The following CNKSR2 variants were observed in gnomAD, a reference collection of about 807,000 sequenced individuals.
CNKSR2 encodes connector enhancer of kinase suppressor of Ras 2, also known as CNK homolog protein 2.
A neutral mutation model predicts 84.4 loss-of-function variants in CNKSR2; 14 were observed. The observed-to-expected ratio is 0.17, with a 90% CI of 0.11 to 0.26. CNKSR2 has a LOEUF of 0.26. Among genes scored for constraint, CNKSR2 ranks in the 10% least tolerant of loss-of-function variants. The pLI, the probability that CNKSR2 is intolerant of heterozygous loss-of-function variation, is 1.00. For missense variants in CNKSR2, 485 were observed against 771.2 expected, an observed-to-expected ratio of 0.63 and a Z score of 4.40; for synonymous variants, 275 against 277.9, an observed-to-expected ratio of 0.99 and a Z score of 0.10.
At chrX:21,445,855 A>T (rs2090847754) in intron 4 of CNKSR2, among the ~76,000 whole-genome samples, 1 of 111,763 alleles carries the variant, frequency 8.9e-6, no homozygotes, top group Non-Finnish European at 1.9e-5. Context: ...CTGTTGATTA[A>T]CATTTAGGTG....
Position 21,432,731 on chromosome X carries a change from C to T in CNKSR2, c.348C>T (p.Thr116=). The T allele has an allele frequency of 8.3e-7, 1 of 1,210,376 alleles. No individual in the cohort carries two copies. The highest frequency in any genetic ancestry group is 1.1e-6 in the Non-Finnish European group (1 of 894,947). ...RRRSGHYDGR[T]SRKLPNDFLT... ...GGAGTGGCCATTATGATGGGAGGAC[C>T]AGCCGAAAATTGCCAAACGACTTTC... Residue 116 remains threonine, a synonymous_variant, in exon 3 of 22, where the codon ACC becomes ACT. Transcript: ENST00000379510.
At chrX:21,475,531 A>C (rs1377845234) in intron 5 of CNKSR2, among the ~76,000 whole-genome samples, 1 of 111,169 alleles carries the variant, frequency 9.0e-6, no homozygotes, top group Non-Finnish European at 1.9e-5. Context: ...AGTACACTGG[A>C]CTGTGAGTTA....
chrX:21,471,930 G>A lies in CNKSR2; in HGVS notation c.561+1123G>A, dbSNP rs202032098. On this transcript the variant is annotated intron_variant, in intron 5 of 21. Coordinates refer to ENST00000379510, the MANE Select transcript of CNKSR2 (RefSeq NM_014927.5). ...TAGGGCCTATATATTTCAAGTATTA[G>A]CTTAATTTCTTATAAGCATATTCTC... Among the ~76,000 whole-genome samples the A allele has an allele frequency of 1.1e-4, 12 of 112,025 alleles. No homozygotes were observed. In the East Asian group the frequency reaches 3.3e-3, roughly 31 times the overall value.
intron 20 of CNKSR2, chrX:21,642,351 G>A: frequency 6.6e-6 from 5 of 752,315 alleles, no homozygotes; most frequent in Non-Finnish European, 7.8e-6. Context: ...GCCTCTTAGG[G>A]CAGGCATGAG....
Position 21,609,076 on chromosome X carries a change from T to A in CNKSR2, c.2151T>A (p.Ser717Arg). 8.3e-7 allele frequency: 1 copy of A among 1,201,676 alleles called. No homozygotes were observed. The highest frequency in any genetic ancestry group is 1.1e-6 in the Non-Finnish European group (1 of 890,353). The part of the protein sequence containing the change: ...YDTYPRPPSM[S>R]CASPYVEAKH... Reference sequence around the variant, plus strand: ...TCAGGGGCTCCTTTCTACAGATGAGTTGCGCCAGTCCTTATGTGGAAGCAA... The same window carrying A: ...TCAGGGGCTCCTTTCTACAGATGAGATGCGCCAGTCCTTATGTGGAAGCAA... Residue 717 changes from serine to arginine, a missense_variant, in exon 20 of 22, where the codon AGT becomes AGA. This residue lies in a region of CNKSR2 where 210 missense variants were observed against 291.5 expected (regional missense o/e 0.72). Coordinates refer to ENST00000379510, the MANE Select transcript of CNKSR2 (RefSeq NM_014927.5).
chrX:21,529,177 A>G (rs1169409625), intron 10 of CNKSR2, among the ~76,000 whole-genome samples: 1 of 111,257 alleles, frequency 9.0e-6, no homozygotes, highest in Non-Finnish European at 1.9e-5. Context: ...TGATAGGACT[A>G]GTTTTCAAAT....
At chrX:21,636,665 TC>T (rs1424688485) in intron 20 of CNKSR2, among the ~76,000 whole-genome samples, 1 of 110,842 alleles carries the variant, frequency 9.0e-6, no homozygotes, top group Non-Finnish European at 1.9e-5. Context: ...GAGTCAAATA[TC>T]AAGTCAAATA....
At chrX:21,446,116 ATACTT>A (rs1034810661) in intron 4 of CNKSR2, among the ~76,000 whole-genome samples, 1 of 111,742 alleles carries the variant, frequency 8.9e-6, no homozygotes, top group Admixed American at 9.5e-5. Context: ...CAGTTCAATT[ATACTT>A]TATCCTTTAA....
intron 11 of CNKSR2, among the ~76,000 whole-genome samples, chrX:21,551,828 A>C (rs769390967): frequency 7.8e-4 from 88 of 112,120 alleles, no homozygotes; most frequent in Non-Finnish European, 1.5e-3. Flanking sequence ...AGCAGATACT[A>C]GAAAATCAAA....
In CNKSR2 at chrX:21,653,517, CA is replaced by C. The variant is rs2092725469; in HGVS notation, c.*998del. On this transcript the variant is annotated 3_prime_UTR_variant, in exon 22 of 22. Transcript: ENST00000379510. ...TAATTATACTTCAGGTAGGGAAGTACAATATGTTTAGTTTCAGGCTGATGTG... is the reference window on the plus strand; with the variant it reads ...TAATTATACTTCAGGTAGGGAAGTACATATGTTTAGTTTCAGGCTGATGTG... The C allele has an allele frequency of 9.1e-6, 1 of 109,878 alleles. No homozygotes were observed. Among genetic ancestry groups the C allele is most frequent in the Admixed American group, 9.8e-5 (1 of 10,179 alleles). The allele number at this position is 109,878 out of a possible 1,213,427, so 9.1% of individuals were successfully genotyped here. A position where few individuals can be genotyped will look rare whatever the true frequency, so the allele number is the denominator to read the frequency against.
chrX:21,463,772 T>A (rs1233083511), intron 4 of CNKSR2, among the ~76,000 whole-genome samples: 1 of 110,919 alleles, frequency 9.0e-6, no homozygotes, highest in Non-Finnish European at 1.9e-5. Context: ...AAAGGGGGCC[T>A]GAGGACTCTG....
At chrX:21,565,782 G>T (rs1161803933) in intron 13 of CNKSR2, among the ~76,000 whole-genome samples, 4 of 111,364 alleles carry the variant, frequency 3.6e-5, no homozygotes, top group African/African-American at 1.3e-4. Flanking sequence ...AACTCTAATT[G>T]GTGGGGTTTT....
intron 9 of CNKSR2, among the ~76,000 whole-genome samples, chrX:21,520,887 G>T (rs1569219383): frequency 9.1e-6 from 1 of 109,903 alleles, no homozygotes; most frequent in Non-Finnish European, 1.9e-5. Flanking sequence ...GTATGATTTT[G>T]TGATTTTGTG....
chrX:21,476,879 C>G (rs1054622411), intron 5 of CNKSR2, among the ~76,000 whole-genome samples: 1 of 112,016 alleles, frequency 8.9e-6, no homozygotes, highest in African/African-American at 3.2e-5. Context: ...ATTACACATT[C>G]TCTGGCAGGT....
chrX:21,607,845 C>T (rs2092527091), intron 19 of CNKSR2: 1 of 110,329 alleles, frequency 9.1e-6, no homozygotes, highest in Non-Finnish European at 1.9e-5. Context: ...GTCACATTGC[C>T]ATAAGAAACA....
chrX:21,651,192 C>T (rs2092720132), intron 21 of CNKSR2, among the ~76,000 whole-genome samples: 1 of 111,963 alleles, frequency 8.9e-6, no homozygotes, highest in Non-Finnish European at 1.9e-5. Context: ...TACATGAATG[C>T]TCCACTCGAT....
intron 6 of CNKSR2, chrX:21,493,519 G>A (rs994217578): frequency 3.6e-5 from 4 of 112,072 alleles, no homozygotes; most frequent in Admixed American, 2.8e-4. Flanking sequence ...GAGAGAGGGA[G>A]CTGTGCAAGT....
Position 21,591,472 on chromosome X carries a change from T to C in CNKSR2, c.1830+278T>C, listed in dbSNP as rs192680648. 126 of 165,111 alleles carry C rather than the reference T, an allele frequency of 7.6e-4. 1 individual carries two copies. In the East Asian group the frequency reaches 0.014, roughly 18 times the overall value. The allele number at this position is 165,111 out of a possible 1,213,427, so 13.6% of individuals were successfully genotyped here. A position where few individuals can be genotyped will look rare whatever the true frequency, so the allele number is the denominator to read the frequency against. On this transcript the variant is annotated intron_variant, in intron 15 of 21. Transcript: ENST00000379510. ...AAAAATGCGAAGCTAATCCAAGCAG[T>C]AGCTTAACTAAAAGGATTATATGTG...
intron 3 of CNKSR2, among the ~76,000 whole-genome samples, chrX:21,436,915 C>A (rs772752031): frequency 9.0e-6 from 1 of 111,713 alleles, no homozygotes; most frequent in African/African-American, 3.2e-5. Flanking sequence ...ACCTTAAAAT[C>A]TGCTGGCTAA....
Sources: allele counts gnomAD v4.1 joint callset (sites outside exome capture counted in the v4.1 genomes callset), GRCh38; gene constraint gnomAD v4.1.1; regional missense constraint gnomAD v4.1.1; transcripts MANE v1.5; gene names NCBI Gene and HGNC (gene_info 2026-07-23, HGNC 2026-07-21).